Variants in RORA observed in about 807,000 individuals in gnomAD.
RORA encodes the protein RAR related orphan receptor A, also known as nuclear receptor ROR-alpha.
RORA carries 7 observed loss-of-function variants against 69.5 expected under a neutral mutation model. The ratio of observed to expected loss-of-function variants is 0.10; its 90% CI spans 0.06 to 0.19. RORA has a LOEUF of 0.19. Ranked by LOEUF, RORA falls within the 10% of genes least tolerant of loss-of-function variation. The pLI is 1.00. For missense variants in RORA, 457 were observed against 663.0 expected, an observed-to-expected ratio of 0.69 and a Z score of 3.41; for synonymous variants, 261 against 240.8, an observed-to-expected ratio of 1.08 and a Z score of -0.78.
chr15:60,915,258 A>G (rs1357494876), intron 1 of RORA, among the ~76,000 whole-genome samples: 1 of 150,804 alleles, frequency 6.6e-6, no homozygotes, highest in African/African-American at 2.4e-5. Flanking sequence ...TCTGAGCTGC[A>G]TTTCAGATCA....
chr15:60,822,222 T>C (rs2072902118), intron 1 of RORA, among the ~76,000 whole-genome samples: 1 of 152,194 alleles, frequency 6.6e-6, no homozygotes. Flanking sequence ...GAAGCATAGT[T>C]ATCTCCTAGT....
intron 1 of RORA, among the ~76,000 whole-genome samples, chr15:61,197,622 G>T (rs1180201994): frequency 3.3e-5 from 5 of 152,184 alleles, no homozygotes; most frequent in Non-Finnish European, 7.3e-5. Context: ...GCTCCGTCAG[G>T]TGAGGCTGAG....
At chr15:61,151,770 A>G (rs572293749) in intron 1 of RORA, among the ~76,000 whole-genome samples, 1 of 152,364 alleles carries the variant, frequency 6.6e-6, no homozygotes, top group East Asian at 1.9e-4. Flanking sequence ...TCAAGCATGT[A>G]CTTTAAATTC....
intron 1 of RORA, among the ~76,000 whole-genome samples, chr15:60,857,887 T>A (rs527439350): frequency 6.6e-6 from 1 of 152,266 alleles, no homozygotes; most frequent in South Asian, 2.1e-4. Context: ...ATTTCACAGA[T>A]GAGAAAGTCA....
At chr15:61,074,915 C>T (rs1444556276) in intron 1 of RORA, among the ~76,000 whole-genome samples, 8 of 151,726 alleles carry the variant, frequency 5.3e-5, no homozygotes, top group African/African-American at 1.7e-4. Context: ...GATGAAATCC[C>T]GTCTCTACTA....
intron 1 of RORA, among the ~76,000 whole-genome samples, chr15:60,942,343 T>C (rs1346129531): frequency 2.0e-5 from 3 of 152,196 alleles, no homozygotes; most frequent in Admixed American, 6.5e-5. Flanking sequence ...AAATCCCAAA[T>C]CAGTGCTCTT....
intron 1 of RORA, among the ~76,000 whole-genome samples, chr15:60,937,240 T>C (rs1040006600): frequency 1.3e-5 from 2 of 152,152 alleles, no homozygotes; most frequent in African/African-American, 4.8e-5. Flanking sequence ...TGGAGCTCAG[T>C]GAGAACTTTA....
chr15:61,221,954 T>C (rs2080100955), intron 1 of RORA, among the ~76,000 whole-genome samples: 1 of 139,214 alleles, frequency 7.2e-6, no homozygotes, highest in Non-Finnish European at 1.5e-5. Context: ...CCCATCTCTT[T>C]AAGAAAAAAA....
At chr15:61,161,029 G>A (rs574759310) in intron 1 of RORA, among the ~76,000 whole-genome samples, 1 of 152,262 alleles carries the variant, frequency 6.6e-6, no homozygotes, top group African/African-American at 2.4e-5. Context: ...AAAAGGACAG[G>A]GGATTGGGTG....
intron 1 of RORA, among the ~76,000 whole-genome samples, chr15:60,840,500 T>C (rs1303483604): frequency 6.6e-6 from 1 of 152,204 alleles, no homozygotes; most frequent in East Asian, 1.9e-4. Context: ...TAGAACCCTG[T>C]CCCCACTCTC....
At chr15:60,867,307 T>C (rs2073500690) in intron 1 of RORA, among the ~76,000 whole-genome samples, 1 of 152,134 alleles carries the variant, frequency 6.6e-6, no homozygotes, top group African/African-American at 2.4e-5. Flanking sequence ...AAATCACAGG[T>C]GACAACATGT....
At chr15:60,602,909 C>G (rs2068852679) in intron 2 of RORA, among the ~76,000 whole-genome samples, 1 of 152,176 alleles carries the variant, frequency 6.6e-6, no homozygotes, top group Admixed American at 6.5e-5. Flanking sequence ...CCCCTCTCCC[C>G]CAATATTCCT....
intron 1 of RORA, among the ~76,000 whole-genome samples, chr15:60,795,798 C>T (rs1337056560): frequency 6.6e-6 from 1 of 152,220 alleles, no homozygotes; most frequent in Non-Finnish European, 1.5e-5. Flanking sequence ...CCAGATGTGA[C>T]ATGCCTTGTA....
At chr15:60,854,938 G>C (rs1373628301) in intron 1 of RORA, among the ~76,000 whole-genome samples, 2 of 152,130 alleles carry the variant, frequency 1.3e-5, no homozygotes, top group Non-Finnish European at 2.9e-5. Flanking sequence ...TAGCAATGTG[G>C]GTTTTCCTTC....
chr15:61,060,587 G>A (rs1002963379), intron 1 of RORA, among the ~76,000 whole-genome samples: 1 of 152,098 alleles, frequency 6.6e-6, no homozygotes, highest in East Asian at 1.9e-4. Flanking sequence ...AGCTGCTCAG[G>A]GAAACTGTGG....
At chr15:60,708,746 T>G (rs1017548977) in intron 1 of RORA, among the ~76,000 whole-genome samples, 5 of 152,226 alleles carry the variant, frequency 3.3e-5, no homozygotes, top group Admixed American at 2.0e-4. Context: ...AGCAGCTAAG[T>G]CTGTTTGGTA....
intron 1 of RORA, among the ~76,000 whole-genome samples, chr15:60,866,211 A>G (rs773941527): frequency 3.3e-5 from 5 of 151,984 alleles, no homozygotes; most frequent in Non-Finnish European, 7.4e-5. Context: ...CCTCCCCACT[A>G]TTCTTCCCAG....
chr15:60,596,812 C>T (rs990000279), intron 2 of RORA, among the ~76,000 whole-genome samples: 1 of 152,104 alleles, frequency 6.6e-6, no homozygotes. Context: ...TATACATATG[C>T]ATAGTTCATG....
chr15:60,702,150 T>C (rs2070991161), intron 1 of RORA, among the ~76,000 whole-genome samples: 1 of 152,198 alleles, frequency 6.6e-6, no homozygotes, highest in African/African-American at 2.4e-5. Context: ...ACTTACCCTC[T>C]CAAAGCCTCG....
Sources: allele counts gnomAD v4.1 joint callset (sites outside exome capture counted in the v4.1 genomes callset), GRCh38; gene constraint gnomAD v4.1.1; transcripts MANE v1.5; gene names NCBI Gene and HGNC (gene_info 2026-07-23, HGNC 2026-07-21).